ZNF385D: variants seen among roughly 807,000 people sequenced by gnomAD.
ZNF385D encodes the protein zinc finger protein 385D.
In ZNF385D, 15 loss-of-function variants were observed where a neutral mutation model predicts 35.8. The observed-to-expected ratio is 0.42, with a 90% CI of 0.28 to 0.64. The LOEUF (loss-of-function observed/expected upper bound fraction) is 0.64, where lower values mean the gene tolerates loss of function less well. ZNF385D is among the 30% of genes least tolerant of loss of function. The pLI is 0.23. For synonymous variants in ZNF385D, 212 were observed against 186.8 expected (o/e 1.13, Z -1.10); for missense variants, 474 against 494.6 (o/e 0.96, Z 0.39).
chr3:21,754,318 T>A (rs890214072), upstream of ZNF385D, among the ~76,000 whole-genome samples: 1 of 152,152 alleles, frequency 6.6e-6, no homozygotes, highest in Non-Finnish European at 1.5e-5. Flanking sequence ...AAGAATCTGG[T>A]TCACACCCTG....
At position 22,097,990 on chromosome 3, in the gene ZNF385D, T is replaced by A. The variant is rs965733283; in HGVS notation, c.325+70827A>T. 2.6e-5 allele frequency among the ~76,000 whole-genome samples: 4 copies of A among 151,070 alleles called. No individual in the cohort carries two copies. The South Asian group carries it at 8.3e-4, about 31-fold the overall frequency. On this transcript the variant is annotated intron_variant, in intron 3 of 5. Coordinates refer to the ZNF385D transcript ENST00000494108. ...ATGTTAACCAATGACGATTAAAAACTGTAACATTTTCCCCACAAAGTTTGA... is the reference window on the plus strand; with the variant it reads ...ATGTTAACCAATGACGATTAAAAACAGTAACATTTTCCCCACAAAGTTTGA...
intron 2 of ZNF385D, among the ~76,000 whole-genome samples, chr3:21,636,994 T>C (rs1415871887): frequency 6.6e-6 from 1 of 152,128 alleles, no homozygotes; most frequent in East Asian, 1.9e-4. Context: ...AGATTCTGGA[T>C]ATTAGTCCTT....
chr3:22,061,583 A>G (rs184662391), intron 3 of ZNF385D, among the ~76,000 whole-genome samples: 3 of 152,312 alleles, frequency 2.0e-5, no homozygotes, highest in Non-Finnish European at 4.4e-5. Flanking sequence ...AAGACTCAGG[A>G]TCTGATCCTC....
At chr3:22,214,582 G>A (rs371832239) in intron 2 of ZNF385D, among the ~76,000 whole-genome samples, 12 of 152,108 alleles carry the variant, frequency 7.9e-5, no homozygotes, top group South Asian at 4.2e-4. Flanking sequence ...AAGGGAATGC[G>A]TCCCTGAAGG....
chr3:21,489,156 T>G (rs1345839829), intron 4 of ZNF385D, among the ~76,000 whole-genome samples: 1 of 151,842 alleles, frequency 6.6e-6, no homozygotes, highest in Admixed American at 6.6e-5. Flanking sequence ...ACACACACAC[T>G]AAGTAGAGGG....
intron 3 of ZNF385D, among the ~76,000 whole-genome samples, chr3:22,031,146 G>A (rs1406476801): frequency 6.6e-6 from 1 of 152,172 alleles, no homozygotes. Context: ...GGTGTTGAGT[G>A]CCTGCAGCTT....
intron 1 of ZNF385D, among the ~76,000 whole-genome samples, chr3:21,748,542 G>A (rs187295781): frequency 6.6e-6 from 1 of 152,152 alleles, no homozygotes; most frequent in Admixed American, 6.5e-5. Context: ...CGCTCTGCTG[G>A]GGACACAAAT....
chr3:21,989,382 A>G (rs556910911), intron 3 of ZNF385D, among the ~76,000 whole-genome samples: 12 of 152,196 alleles, frequency 7.9e-5, no homozygotes, highest in African/African-American at 2.2e-4. Context: ...CCATTCTCCA[A>G]ATTACGTAGG....
chr3:22,237,688 G>C (rs545741339), intron 2 of ZNF385D, among the ~76,000 whole-genome samples: 2 of 152,202 alleles, frequency 1.3e-5, no homozygotes, highest in East Asian at 3.9e-4. Context: ...CTGTCACCCA[G>C]GCTGCAGTGC....
chr3:22,297,197 C>T lies in ZNF385D; in HGVS notation c.106+75253G>A, dbSNP rs1702632558. On this transcript the variant is annotated intron_variant, in intron 2 of 5. Coordinates refer to the ZNF385D transcript ENST00000494108. Reference sequence around the variant, plus strand: ...AGACTGACTTGTTCCTAGTCTCAAGCTCCCAGACTGTGACAATCAACCCCT... The same window carrying T: ...AGACTGACTTGTTCCTAGTCTCAAGTTCCCAGACTGTGACAATCAACCCCT... 2.0e-5 allele frequency among the ~76,000 whole-genome samples: 3 copies of T among 152,216 alleles called. No individual in the cohort carries two copies. In the South Asian group the frequency reaches 6.2e-4, roughly 32 times the overall value.
At position 21,664,927 on chromosome 3, in the gene ZNF385D, C is replaced by G. The variant is rs1559500675; in HGVS notation, c.124G>C (p.Asp42His). The G allele has an allele frequency of 6.2e-7, 1 of 1,613,508 alleles. No individual in the cohort carries two copies. The highest frequency in any genetic ancestry group is 8.5e-7 in the Non-Finnish European group (1 of 1,179,738). Reference sequence around the variant, plus strand: ...AAGAGGTTGACTGCAGCTGCAGTGTCAAGAGGAAAGGGAAGAAATGGTTTA... The same window carrying G: ...AAGAGGTTGACTGCAGCTGCAGTGTGAAGAGGAAAGGGAAGAAATGGTTTA... ...DIKPFLPFPL[D>H]TAAAVNLFPN... The change falls in exon 2 of 8, where the codon GAC becomes CAC. Residue 42 changes from aspartate to histidine, a missense_variant. Asp to His is a moderately conservative substitution (Grantham distance 81). Coordinates refer to ENST00000281523, the MANE Select transcript of ZNF385D (RefSeq NM_024697.3).
At chr3:22,011,074 T>C (rs897491843) in intron 3 of ZNF385D, among the ~76,000 whole-genome samples, 1 of 152,160 alleles carries the variant, frequency 6.6e-6, no homozygotes, top group Non-Finnish European at 1.5e-5. Context: ...ACAAAATTCG[T>C]TAATGAATCA....
chr3:21,589,219 T>A (rs2063900047), intron 2 of ZNF385D, among the ~76,000 whole-genome samples: 1 of 152,016 alleles, frequency 6.6e-6, no homozygotes, highest in East Asian at 1.9e-4. Context: ...CTGAAGGAAG[T>A]ACAGAAGGGA....
intron 2 of ZNF385D, among the ~76,000 whole-genome samples, chr3:22,316,029 T>C (rs538373895): frequency 6.6e-6 from 1 of 152,290 alleles, no homozygotes; most frequent in South Asian, 2.1e-4. Context: ...AAACCTAAGA[T>C]TGGTCTCCTG....
chr3:22,349,722 A>C (rs947317974), intron 2 of ZNF385D, among the ~76,000 whole-genome samples: 1 of 152,164 alleles, frequency 6.6e-6, no homozygotes, highest in Non-Finnish European at 1.5e-5. Flanking sequence ...GGACACATGA[A>C]TTTTTATGCA....
intron 1 of ZNF385D, among the ~76,000 whole-genome samples, chr3:21,706,348 C>A (rs1014916572): frequency 6.6e-6 from 1 of 151,882 alleles, no homozygotes; most frequent in Non-Finnish European, 1.5e-5. Context: ...CAACTTTTGA[C>A]AGCTCACGTG....
At chr3:21,580,613 A>C (rs2063627642) in intron 2 of ZNF385D, among the ~76,000 whole-genome samples, 1 of 151,972 alleles carries the variant, frequency 6.6e-6, no homozygotes, top group South Asian at 2.1e-4. Flanking sequence ...AAGTATAATG[A>C]TGTATGGAAT....
At chr3:21,608,198 A>G (rs1336729822) in intron 2 of ZNF385D, among the ~76,000 whole-genome samples, 5 of 151,740 alleles carry the variant, frequency 3.3e-5, no homozygotes, top group Non-Finnish European at 5.9e-5. Context: ...TTTAGTAGAG[A>G]TGGAGTTTCA....
At chr3:21,708,623 A>G (rs1474960368) in intron 1 of ZNF385D, among the ~76,000 whole-genome samples, 1 of 151,932 alleles carries the variant, frequency 6.6e-6, no homozygotes, top group African/African-American at 2.4e-5. Context: ...ACTCCTTATC[A>G]TTTTCTATGT....
Sources: allele counts gnomAD v4.1 joint callset (sites outside exome capture counted in the v4.1 genomes callset), GRCh38; gene constraint gnomAD v4.1.1; transcripts MANE v1.5; gene names NCBI Gene and HGNC (gene_info 2026-07-23, HGNC 2026-07-21).